PTPN12: variants seen among roughly 807,000 people sequenced by gnomAD.
The protein encoded by PTPN12 is protein tyrosine phosphatase non-receptor type 12.
PTPN12 carries 29 observed loss-of-function variants against 97.6 expected under a neutral mutation model. That is an observed-to-expected ratio of 0.30 (90% confidence interval 0.22 to 0.41). PTPN12 has a LOEUF of 0.41. PTPN12 is among the 10% of genes least tolerant of loss of function. The pLI is 1.00. For synonymous variants in PTPN12, 327 were observed against 300.4 expected (o/e 1.09, Z -0.91); for missense variants, 819 against 926.0 (o/e 0.88, Z 1.50).
intron 11 of PTPN12, among the ~76,000 whole-genome samples, chr7:77,613,655 G>A (rs1042752614): frequency 3.9e-5 from 6 of 151,936 alleles, no homozygotes; most frequent in South Asian, 2.1e-4. Context: ...AAGAGTTGAA[G>A]ACCAGCCTGG....
At chr7:77,559,185 G>A (rs1309957196) in intron 1 of PTPN12, among the ~76,000 whole-genome samples, 3 of 152,174 alleles carry the variant, frequency 2.0e-5, no homozygotes, top group African/African-American at 7.2e-5. Context: ...TTTCACACAT[G>A]TTGTCACAAC....
At chr7:77,635,258 C>G (rs1789548316) in intron 14 of PTPN12, among the ~76,000 whole-genome samples, 1 of 152,092 alleles carries the variant, frequency 6.6e-6, no homozygotes, top group South Asian at 2.1e-4. Flanking sequence ...ATGGCAAAAC[C>G]CTGTCTGTAT....
At chr7:77,589,449 C>T (rs1164068424) in intron 5 of PTPN12, among the ~76,000 whole-genome samples, 2 of 152,014 alleles carry the variant, frequency 1.3e-5, no homozygotes, top group African/African-American at 4.8e-5. Flanking sequence ...ATATGGCATA[C>T]AAATCAAACT....
chr7:77,627,822 A>G, intron 13 of PTPN12, 147 bp downstream of exon 13: 1 of 739,346 alleles, frequency 1.4e-6, no homozygotes. Flanking sequence ...TAATTTTTTA[A>G]TATAAGCTTT....
At chr7:77,599,664 T>G (rs1788131650) in intron 7 of PTPN12, among the ~76,000 whole-genome samples, 1 of 152,212 alleles carries the variant, frequency 6.6e-6, no homozygotes, top group Non-Finnish European at 1.5e-5. Flanking sequence ...AGATCAGGCA[T>G]CTTAATTCTG....
chr7:77,583,633 T>C lies in PTPN12; in HGVS notation c.364T>C (p.Trp122Arg). Residue 122 changes from tryptophan to arginine, a missense_variant, in exon 4 of 18, where the codon TGG becomes CGG. Trp to Arg is a moderately radical substitution (Grantham distance 101). Around this residue, in one of 5 missense-constraint regions of PTPN12, gnomAD observed 66 missense variants for 133.6 expected, o/e 0.49. Transcript: ENST00000248594. ...NTVIDFWRMI[W>R]EYNVVIIVMA... is the part of the protein sequence containing the mutation. ...AGTAATAGATTTTTGGAGGATGATATGGGAGTATAATGTTGTGGTAAGTAA... is the reference window on the plus strand; with the variant it reads ...AGTAATAGATTTTTGGAGGATGATACGGGAGTATAATGTTGTGGTAAGTAA... 6.3e-7 allele frequency: 1 copy of C among 1,597,130 alleles called. No individual in the cohort carries two copies. The highest frequency in any genetic ancestry group is 8.6e-7 in the Non-Finnish European group (1 of 1,166,982).
At chr7:77,567,568 A>G (rs1808314502) in intron 1 of PTPN12, among the ~76,000 whole-genome samples, 1 of 152,228 alleles carries the variant, frequency 6.6e-6, no homozygotes, top group Admixed American at 6.5e-5. Context: ...TTAAAAAGAC[A>G]AATTATCAGG....
intron 1 of PTPN12, among the ~76,000 whole-genome samples, chr7:77,566,397 T>C (rs905656438): frequency 1.3e-5 from 2 of 152,100 alleles, no homozygotes; most frequent in Non-Finnish European, 2.9e-5. Context: ...AGTGCAGTTA[T>C]TTTTGGAATT....
intron 1 of PTPN12, 98 bp downstream of exon 1, chr7:77,537,743 G>A (rs912710402): frequency 7.9e-7 from 1 of 1,273,238 alleles, no homozygotes; most frequent in Admixed American, 2.9e-5. Context: ...ACCTCTGTGA[G>A]GAGAGGGGCG....
chr7:77,553,703 A>T (rs1254842404), intron 1 of PTPN12, among the ~76,000 whole-genome samples: 1 of 152,208 alleles, frequency 6.6e-6, no homozygotes, highest in East Asian at 1.9e-4. Flanking sequence ...TGTAGACAGC[A>T]TATAGTTAGG....
intron 1 of PTPN12, among the ~76,000 whole-genome samples, chr7:77,565,460 G>A (rs768268540): frequency 1.3e-5 from 2 of 152,198 alleles, no homozygotes; most frequent in Non-Finnish European, 2.9e-5. Flanking sequence ...GAATGGTGGT[G>A]GTTTTTGGCT....
intron 7 of PTPN12, among the ~76,000 whole-genome samples, chr7:77,598,220 A>G (rs2151356441): frequency 6.6e-6 from 1 of 150,984 alleles, no homozygotes; most frequent in East Asian, 2.0e-4. Flanking sequence ...TGGTTTTGAG[A>G]ATAGAGAATA....
intron 1 of PTPN12, among the ~76,000 whole-genome samples, chr7:77,562,374 A>G (rs1808042898): frequency 2.0e-5 from 3 of 152,080 alleles, no homozygotes; most frequent in African/African-American, 7.2e-5. Flanking sequence ...TTTATTATAT[A>G]CTATGAGATA....
chr7:77,635,000 A>G (rs1187236161), intron 14 of PTPN12, among the ~76,000 whole-genome samples: 2 of 151,476 alleles, frequency 1.3e-5, no homozygotes, highest in South Asian at 2.1e-4. Flanking sequence ...AGAGGCATAC[A>G]CCGTCACTCC....
At chr7:77,615,317 A>G (rs537179885) in intron 11 of PTPN12, among the ~76,000 whole-genome samples, 1 of 152,106 alleles carries the variant, frequency 6.6e-6, no homozygotes, top group South Asian at 2.1e-4. Flanking sequence ...TTTATAATTT[A>G]TTTTCTTCTG....
At chr7:77,565,249 C>T (rs1202396117) in intron 1 of PTPN12, among the ~76,000 whole-genome samples, 1 of 152,076 alleles carries the variant, frequency 6.6e-6, no homozygotes, top group African/African-American at 2.4e-5. Flanking sequence ...TTATTGTTTT[C>T]TTAATTGTGC....
At chr7:77,555,228 T>A (rs1025426738) in intron 1 of PTPN12, among the ~76,000 whole-genome samples, 9 of 152,042 alleles carry the variant, frequency 5.9e-5, no homozygotes, top group African/African-American at 2.2e-4. Context: ...CTTTTTTTTT[T>A]TTTTGTAGTT....
At chr7:77,583,450 T>G in intron 3 of PTPN12, 105 bp from the exon 4 acceptor site, 2 of 725,996 alleles carry the variant, frequency 2.8e-6, no homozygotes, top group Non-Finnish European at 4.6e-6. Context: ...ATGGTTTAAG[T>G]TAAAACAACA....
chr7:77,567,016 T>C (rs980187154), intron 1 of PTPN12, among the ~76,000 whole-genome samples: 1 of 152,124 alleles, frequency 6.6e-6, no homozygotes, highest in African/African-American at 2.4e-5. Context: ...ATATTATGTT[T>C]CTCAATAATA....
Sources: gnomAD v4.1 joint callset for allele counts (sites outside exome capture counted in the v4.1 genomes callset) on GRCh38, gnomAD v4.1.1 for gene constraint, gnomAD v4.1.1 regional missense constraint, MANE v1.5 for transcripts, NCBI Gene and HGNC (gene_info 2026-07-23, HGNC 2026-07-21) for gene names.